The following MCTP1 variants were observed in gnomAD, a reference collection of about 807,000 sequenced individuals.
MCTP1 encodes multiple C2 and transmembrane domain-containing protein 1.
In MCTP1, 69 loss-of-function variants were observed where a neutral mutation model predicts 120.6. The ratio of observed to expected loss-of-function variants is 0.57; its 90% confidence interval spans 0.47 to 0.70. The LOEUF (loss-of-function observed/expected upper bound fraction) is 0.70, where lower values mean the gene tolerates loss of function less well. Ranked by LOEUF, MCTP1 falls within the 30% of genes least tolerant of loss-of-function variation. The pLI is 0.00. For synonymous variants in MCTP1, 529 were observed against 493.1 expected (o/e 1.07, Z -0.96); for missense variants, 1,203 against 1,248.8 (o/e 0.96, Z 0.55).
chr5:95,217,402 T>G (rs1753154624), intron 1 of MCTP1, among the ~76,000 whole-genome samples: 1 of 152,180 alleles, frequency 6.6e-6, no homozygotes, highest in African/African-American at 2.4e-5. Context: ...AAAAGTTCAG[T>G]CAGAACAACA....
chr5:94,757,789 G>A (rs1324433717), intron 19 of MCTP1, among the ~76,000 whole-genome samples: 2 of 152,170 alleles, frequency 1.3e-5, no homozygotes, highest in Non-Finnish European at 2.9e-5. Context: ...TTCTCTCCAC[G>A]GAGGAGATAG....
chr5:94,928,368 T>C (rs1414080618), intron 6 of MCTP1, among the ~76,000 whole-genome samples: 1 of 152,092 alleles, frequency 6.6e-6, no homozygotes, highest in Non-Finnish European at 1.5e-5. Flanking sequence ...CTCTTTTGAG[T>C]TCATGAAACT....
Position 94,940,085 on chromosome 5 carries a change from A to T in MCTP1, c.1172T>A (p.Val391Glu). The T allele has an allele frequency of 6.3e-7, 1 of 1,576,242 alleles. No individual in the cohort carries two copies. The highest frequency in any genetic ancestry group is 2.2e-5 in the East Asian group (1 of 44,536). ...CTACTAGGCTGTGGGGGAACTTACCACATCCCTGGACTCTCCTTCTTTAGG... is the reference window on the plus strand; with the variant it reads ...CTACTAGGCTGTGGGGGAACTTACCTCATCCCTGGACTCTCCTTCTTTAGG... ...LTPKEGESRD[V>E]TMLMRKSWKR... Residue 391 changes from valine to glutamate, a missense_variant and splice_region_variant, in exon 5 of 23, where the codon GTG (valine) becomes GAG (glutamate). This residue lies in a region of MCTP1 where 740 missense variants were observed against 871.1 expected (regional missense o/e 0.85). Transcript: ENST00000515393.
At chr5:95,059,526 A>T (rs984062474) in intron 1 of MCTP1, among the ~76,000 whole-genome samples, 1 of 152,140 alleles carries the variant, frequency 6.6e-6, no homozygotes, top group African/African-American at 2.4e-5. Context: ...CAATATACCC[A>T]AGTAATAAAC....
At chr5:94,773,796 G>A (rs1000012018) in intron 19 of MCTP1, among the ~76,000 whole-genome samples, 5 of 152,118 alleles carry the variant, frequency 3.3e-5, no homozygotes, top group African/African-American at 1.2e-4. Flanking sequence ...CATGAGAACA[G>A]CACAGGAAAG....
intron 2 of MCTP1, among the ~76,000 whole-genome samples, chr5:94,972,057 T>C (rs1433920893): frequency 6.6e-6 from 1 of 152,176 alleles, no homozygotes; most frequent in Non-Finnish European, 1.5e-5. Context: ...TAGAGCCTTC[T>C]GCGTGGTCTC....
intron 17 of MCTP1, among the ~76,000 whole-genome samples, chr5:94,817,890 C>T (rs77220988): frequency 4.6e-5 from 7 of 152,136 alleles, no homozygotes; most frequent in African/African-American, 1.2e-4. Context: ...AACCCTCCCC[C>T]ACTTTTAGTT....
intron 1 of MCTP1, among the ~76,000 whole-genome samples, chr5:95,106,741 T>C (rs1225411160): frequency 6.6e-6 from 1 of 152,290 alleles, no homozygotes; most frequent in African/African-American, 2.4e-5. Context: ...ACCTGCAATT[T>C]AGGGGATCTC....
intron 1 of MCTP1, 89 bp downstream of exon 1, chr5:95,283,760 TCCCGGCC>T: frequency 1.0e-6 from 1 of 995,348 alleles, no homozygotes; most frequent in Non-Finnish European, 1.3e-6. Context: ...TCCTCCCGCC[TCCCGGCC>T]CCCGCCCCCC....
At chr5:94,782,826 G>A (rs1254471755) in intron 18 of MCTP1, among the ~76,000 whole-genome samples, 1 of 151,998 alleles carries the variant, frequency 6.6e-6, no homozygotes, top group Non-Finnish European at 1.5e-5. Context: ...TCCTTGAAGG[G>A]GAAAAAATGA....
At chr5:94,769,236 C>A (rs894464986) in intron 19 of MCTP1, among the ~76,000 whole-genome samples, 1 of 151,894 alleles carries the variant, frequency 6.6e-6, no homozygotes, top group Non-Finnish European at 1.5e-5. Context: ...GGCTGGGAAG[C>A]GGGTGGGGTG....
At chr5:94,778,158 T>C (rs551188567) in intron 19 of MCTP1, among the ~76,000 whole-genome samples, 4 of 152,142 alleles carry the variant, frequency 2.6e-5, no homozygotes, top group Non-Finnish European at 4.4e-5. Context: ...AGGGCATAAA[T>C]TAAAATATAC....
intron 1 of MCTP1, among the ~76,000 whole-genome samples, chr5:95,121,156 T>C (rs1227116405): frequency 1.3e-5 from 2 of 151,690 alleles, no homozygotes; most frequent in Admixed American, 6.6e-5. Flanking sequence ...CGGGTGCCTG[T>C]AGTCCCAGCC....
intron 2 of MCTP1, among the ~76,000 whole-genome samples, chr5:95,010,277 C>T (rs1286990236): frequency 1.3e-5 from 2 of 151,926 alleles, no homozygotes; most frequent in African/African-American, 2.4e-5. Context: ...TCAGACATTC[C>T]TCTGAACCAT....
At chr5:95,234,922 A>G (rs1437654554) in intron 1 of MCTP1, among the ~76,000 whole-genome samples, 1 of 152,136 alleles carries the variant, frequency 6.6e-6, no homozygotes, top group Non-Finnish European at 1.5e-5. Flanking sequence ...GATGAAAAAT[A>G]TTATTTCTAC....
chr5:95,182,895 G>A (rs1050969815), intron 1 of MCTP1, among the ~76,000 whole-genome samples: 4 of 151,748 alleles, frequency 2.6e-5, no homozygotes, highest in African/African-American at 7.3e-5. Context: ...ACATGGTGGC[G>A]GGTGCCTGTA....
At chr5:95,250,518 T>C (rs1757281981) in intron 1 of MCTP1, among the ~76,000 whole-genome samples, 1 of 152,178 alleles carries the variant, frequency 6.6e-6, no homozygotes, top group Non-Finnish European at 1.5e-5. Flanking sequence ...TTATGTTTAG[T>C]ATAATGCAAA....
At chr5:94,900,905 T>C (rs578206359) in intron 10 of MCTP1, among the ~76,000 whole-genome samples, 135 of 152,338 alleles carry the variant, frequency 8.9e-4, no homozygotes, top group Non-Finnish European at 1.7e-3. Flanking sequence ...CTTTGAAAAG[T>C]TGAAAGTGCT....
intron 17 of MCTP1, among the ~76,000 whole-genome samples, chr5:94,861,034 CT>C (rs1384261760): frequency 1.3e-5 from 2 of 151,692 alleles, no homozygotes; most frequent in Non-Finnish European, 2.9e-5. Context: ...CTTTCCTTGC[CT>C]CTTAGTTTTC....
Sources: gnomAD v4.1 joint callset for allele counts (sites outside exome capture counted in the v4.1 genomes callset) on GRCh38, gnomAD v4.1.1 for gene constraint, gnomAD v4.1.1 regional missense constraint, MANE v1.5 for transcripts, NCBI Gene and HGNC (gene_info 2026-07-23, HGNC 2026-07-21) for gene names.